The following SP4 variants were observed in gnomAD, a reference collection of about 807,000 sequenced individuals.
The protein encoded by SP4 is Sp4 transcription factor.
A neutral mutation model predicts 72.8 loss-of-function variants in SP4; 19 were observed. The observed-to-expected ratio is 0.26, with a 90% CI of 0.18 to 0.38. The LOEUF (loss-of-function observed/expected upper bound fraction) is 0.38, where lower values mean the gene tolerates loss of function less well. SP4 is among the 10% of genes least tolerant of loss of function. The pLI, the probability that SP4 is intolerant of heterozygous loss-of-function variation, is 1.00. For missense variants in SP4, 1,008 were observed against 926.3 expected (o/e 1.09, Z -1.14); for synonymous variants, 395 against 333.1 (o/e 1.19, Z -2.02).
chr7:21,474,198 T>C (rs1425063353), intron 3 of SP4, among the ~76,000 whole-genome samples: 1 of 152,172 alleles, frequency 6.6e-6, no homozygotes. Context: ...TAGCTTTGAC[T>C]TGAAACTCAT....
chr7:21,459,800 A>G (rs552434443), intron 3 of SP4, among the ~76,000 whole-genome samples: 11 of 152,280 alleles, frequency 7.2e-5, no homozygotes, highest in African/African-American at 2.6e-4. Flanking sequence ...CTGCATATCC[A>G]TTTCTTTGGG....
At chr7:21,505,921 A>G (rs187951030) in intron 5 of SP4, among the ~76,000 whole-genome samples, 3 of 152,228 alleles carry the variant, frequency 2.0e-5, no homozygotes, top group Admixed American at 6.5e-5. Flanking sequence ...TTAATCTGTA[A>G]GGGTGTGATT....
intron 3 of SP4, among the ~76,000 whole-genome samples, chr7:21,454,469 A>G (rs1242761348): frequency 6.6e-6 from 1 of 151,832 alleles, no homozygotes; most frequent in Non-Finnish European, 1.5e-5. Context: ...ATAGTTTACC[A>G]TACAAGATCC....
At chr7:21,460,181 C>T (rs543978274) in intron 3 of SP4, among the ~76,000 whole-genome samples, 2 of 152,182 alleles carry the variant, frequency 1.3e-5, no homozygotes, top group African/African-American at 4.8e-5. Flanking sequence ...GTCTCAATGA[C>T]TTCCAAGAAT....
intron 3 of SP4, among the ~76,000 whole-genome samples, chr7:21,475,644 T>C (rs1784478198): frequency 6.6e-6 from 1 of 152,058 alleles, no homozygotes; most frequent in Non-Finnish European, 1.5e-5. Context: ...TTTGTATTTT[T>C]AGTAGAGGCT....
chr7:21,503,007 C>T (rs1781907983), intron 5 of SP4, among the ~76,000 whole-genome samples: 1 of 151,906 alleles, frequency 6.6e-6, no homozygotes, highest in African/African-American at 2.4e-5. Context: ...TTACCAGTCC[C>T]TTGACTCGAG....
intron 5 of SP4, among the ~76,000 whole-genome samples, chr7:21,502,122 C>T (rs1781885799): frequency 7.1e-6 from 1 of 140,794 alleles, no homozygotes; most frequent in Middle Eastern, 4.3e-3. Context: ...GTTTTGGTAG[C>T]CGTGTGTATT....
chr7:21,488,483 T>C (rs966129352), intron 5 of SP4, among the ~76,000 whole-genome samples: 25 of 151,594 alleles, frequency 1.6e-4, no homozygotes, highest in Non-Finnish European at 3.2e-4. Flanking sequence ...CCTTTCCTTT[T>C]TTTTTTTTTT....
chr7:21,451,431 C>T (rs1783597481), intron 3 of SP4, among the ~76,000 whole-genome samples: 2 of 152,176 alleles, frequency 1.3e-5, no homozygotes, highest in African/African-American at 4.8e-5. Context: ...TGACTACCTA[C>T]TGTAACATTT....
chr7:21,470,162 G>T (rs187575961), intron 3 of SP4, among the ~76,000 whole-genome samples: 1 of 152,136 alleles, frequency 6.6e-6, no homozygotes, highest in Non-Finnish European at 1.5e-5. Context: ...GCCGAGTTTC[G>T]TAAGAAAGCT....
At chr7:21,464,581 A>ATTTT (rs11299447) in intron 3 of SP4, among the ~76,000 whole-genome samples, 1 of 142,322 alleles carries the variant, frequency 7.0e-6, no homozygotes, top group African/African-American at 2.6e-5. Context: ...TCTATTTTCT[A>ATTTT]TTTTTTTTTT....
rs1452672562 is a variant in SP4 at position 21,436,000 on chromosome 7, G to A, written c.1678+5157G>A. ...TCCAACCTCCACCTCCTGGGTTCAA[G>A]TGATTCTCCGGCCTCAGCTCCCCAA... On this transcript the variant is annotated intron_variant, in intron 3 of 5. Transcript: ENST00000222584. Among the ~76,000 whole-genome samples the A allele has an allele frequency of 2.6e-5, 4 of 152,292 alleles. No individual in the cohort carries two copies. In the East Asian group the frequency reaches 7.7e-4, roughly 29 times the overall value.
intron 3 of SP4, among the ~76,000 whole-genome samples, chr7:21,473,480 C>T (rs1170469245): frequency 1.3e-5 from 2 of 152,154 alleles, no homozygotes; most frequent in Admixed American, 6.6e-5. Context: ...AGAGATACAG[C>T]AGTGAACATA....
chr7:21,468,921 C>G (rs1266723964), intron 3 of SP4, among the ~76,000 whole-genome samples: 2 of 152,098 alleles, frequency 1.3e-5, no homozygotes, highest in Non-Finnish European at 2.9e-5. Context: ...TCCCATACTT[C>G]TGGTGGAAAT....
At position 21,492,994 on chromosome 7, in the gene SP4, G is replaced by A. The variant is rs376728667; in HGVS notation, c.2107+10871G>A. On this transcript the variant is annotated intron_variant, in intron 5 of 5. Transcript: ENST00000222584. ...ACAGGTGGATCACCTGAGATCAGGA[G>A]TTTGAGACCAGCCTGGCCAACATGG... 2.8e-4 allele frequency among the ~76,000 whole-genome samples: 42 copies of A among 152,306 alleles called. No homozygotes were observed. The East Asian group carries it at 7.9e-3, about 29-fold the overall frequency.
At chr7:21,468,553 A>T in intron 3 of SP4, among the ~76,000 whole-genome samples, 1 of 150,108 alleles carries the variant, frequency 6.7e-6, no homozygotes, top group East Asian at 2.0e-4. Flanking sequence ...TTTGTTGCTG[A>T]TATGGTTGGG....
In SP4 at chr7:21,430,209, A is replaced by C. The variant is rs1351413641; in HGVS notation, c.1044A>C (p.Ala348=). The C allele has an allele frequency of 6.2e-7, 1 of 1,614,082 alleles. No individual in the cohort carries two copies. The highest frequency in any genetic ancestry group is 1.3e-5 in the African/African-American group (1 of 74,932). ...LVSSADTGQY[A]STSASSSERT... ...GCTCAGCAGATACTGGCCAGTATGC[A>C]AGCACATCAGCCAGTAGTTCTGAAC... Residue 348 remains alanine (A), a synonymous_variant, in exon 3 of 6, where the codon GCA becomes GCC. Coordinates refer to ENST00000222584, the MANE Select transcript of SP4 (RefSeq NM_003112.5).
chr7:21,482,197 G>A, intron 5 of SP4, 74 bp downstream of exon 5: 4 of 1,180,230 alleles, frequency 3.4e-6, no homozygotes, highest in Non-Finnish European at 5.0e-6. Flanking sequence ...TGATAGTTTA[G>A]CTATCAAATT....
chr7:21,461,038 C>T (rs1404137929), intron 3 of SP4, among the ~76,000 whole-genome samples: 1 of 152,188 alleles, frequency 6.6e-6, no homozygotes, highest in Non-Finnish European at 1.5e-5. Context: ...AAACCTTGAG[C>T]TAGATACAGA....
Sources: allele counts gnomAD v4.1 joint callset (sites outside exome capture counted in the v4.1 genomes callset), GRCh38; gene constraint gnomAD v4.1.1; transcripts MANE v1.5; gene names NCBI Gene and HGNC (gene_info 2026-07-23, HGNC 2026-07-21).